Variants in NBPF3 observed in about 807,000 individuals in gnomAD.
The protein encoded by NBPF3 is NBPF member 3.
Under a neutral mutation model 78.1 loss-of-function variants are expected in NBPF3, and 57 were observed. The observed-to-expected ratio is 0.73, with a 90% CI of 0.59 to 0.91. The LOEUF is 0.91. Ranked by LOEUF, NBPF3 falls within the 40% of genes least tolerant of loss-of-function variation. The probability of loss-of-function intolerance (pLI) is 0.00; values close to 1 mark genes in which losing one functional copy is unlikely to be tolerated. For missense variants in NBPF3, 510 were observed against 715.3 expected, an observed-to-expected ratio of 0.71 and a Z score of 3.27; for synonymous variants, 182 against 271.7, an observed-to-expected ratio of 0.67 and a Z score of 3.25.
intron 2 of NBPF3, among the ~76,000 whole-genome samples, chr1:21,451,070 T>G (rs1179993308): frequency 6.6e-6 from 1 of 152,192 alleles, no homozygotes; most frequent in Non-Finnish European, 1.5e-5. Context: ...CTTGAAACCA[T>G]TATTATTTAT....
chr1:21,473,601 C>A lies in NBPF3; in HGVS notation c.940+16C>A, dbSNP rs1241755191. 9 of 1,599,426 alleles carry A rather than the reference C, an allele frequency of 5.6e-6. No individual in the cohort carries two copies. In the Admixed American group the frequency reaches 1.5e-4, roughly 27 times the overall value. On this transcript the variant is annotated intron_variant, in intron 7 of 14. Coordinates refer to ENST00000318249, the MANE Select transcript of NBPF3 (RefSeq NM_032264.6). ...ATTATCCCAGGTAGCCTCTATTTTC[C>A]TGTGTCTCACACCTTTTCCTATGCT...
At chr1:21,446,014 TCTC>T (rs1307215342) in intron 2 of NBPF3, 3 of 152,428 alleles carry the variant, frequency 2.0e-5, no homozygotes, top group African/African-American at 7.2e-5. Flanking sequence ...CCGTTTGTGT[TCTC>T]CTCATGTGGT....
intron 10 of NBPF3, among the ~76,000 whole-genome samples, chr1:21,479,848 G>GTGTGTGTGTGTGTGTGTATA: frequency 8.2e-6 from 1 of 121,896 alleles, no homozygotes; most frequent in African/African-American, 2.7e-5. Flanking sequence ...GTGTGTGTGT[G>GTGTGTGTGTGTGTGTGTATA]TGTGTATGTG....
chr1:21,468,088 T>C (rs7533990), intron 2 of NBPF3: 8,774 of 153,862 alleles, frequency 0.057, 305 homozygotes, highest in African/African-American at 0.097. Flanking sequence ...TATCTTACAC[T>C]TGTGGAAAAG....
intron 2 of NBPF3, chr1:21,451,682 G>A (rs1641319989): frequency 5.7e-6 from 1 of 175,312 alleles, no homozygotes; most frequent in Non-Finnish European, 1.2e-5. Context: ...GGCATAGTGG[G>A]TCCTGGGGTC....
intron 2 of NBPF3, among the ~76,000 whole-genome samples, chr1:21,464,316 A>G (rs1288408700): frequency 6.6e-6 from 1 of 152,244 alleles, no homozygotes; most frequent in Non-Finnish European, 1.5e-5. Flanking sequence ...GCAGGCTAGA[A>G]AGGATGAAAC....
At chr1:21,475,188 C>A (rs1642827290) in intron 8 of NBPF3, among the ~76,000 whole-genome samples, 1 of 151,978 alleles carries the variant, frequency 6.6e-6, no homozygotes, top group South Asian at 2.1e-4. Context: ...ACAGGGATTT[C>A]TTGTTGATCT....
chr1:21,477,989 C>A, intron 8 of NBPF3, 155 bp from the exon 9 acceptor site: 25 of 1,527,178 alleles, frequency 1.6e-5, no homozygotes, highest in Non-Finnish European at 2.2e-5. Flanking sequence ...CTCCAGCCTG[C>A]ATTTAGAAGG....
At chr1:21,461,718 C>T (rs1240816997) in intron 2 of NBPF3, among the ~76,000 whole-genome samples, 2 of 152,160 alleles carry the variant, frequency 1.3e-5, no homozygotes, top group African/African-American at 4.8e-5. Context: ...CCGCCTCAGC[C>T]TTGCAAAGTC....
At chr1:21,441,752 C>A (rs899022493) in intron 1 of NBPF3, among the ~76,000 whole-genome samples, 1 of 150,974 alleles carries the variant, frequency 6.6e-6, no homozygotes, top group Non-Finnish European at 1.5e-5. Flanking sequence ...AAGTGAACCA[C>A]CACAGATCAA....
At chr1:21,437,947 G>T (rs1011488151), upstream of NBPF3, among the ~76,000 whole-genome samples, 1 of 151,756 alleles carries the variant, frequency 6.6e-6, no homozygotes, top group African/African-American at 2.4e-5. Flanking sequence ...CTTAGCCTCC[G>T]AGTAGCTGGG....
intron 11 of NBPF3, 48 bp from the exon 12 acceptor site, chr1:21,480,882 G>A (rs1643182022): frequency 2.5e-6 from 3 of 1,212,120 alleles, no homozygotes; most frequent in East Asian, 3.2e-5. Flanking sequence ...GTTAATGGGT[G>A]TAGGTGAATT....
chr1:21,459,221 A>C (rs1361072104), intron 2 of NBPF3, among the ~76,000 whole-genome samples: 2 of 152,234 alleles, frequency 1.3e-5, no homozygotes, highest in Non-Finnish European at 2.9e-5. Flanking sequence ...TAATTTCAAA[A>C]TATATTTGAA....
intron 7 of NBPF3, 139 bp from the exon 8 acceptor site, chr1:21,474,761 C>A: frequency 1.3e-6 from 1 of 789,118 alleles, no homozygotes; most frequent in Non-Finnish European, 2.1e-6. Context: ...TAATCTAGGG[C>A]ACCCTGGAGT....
At chr1:21,461,029 G>T (rs919789926) in intron 2 of NBPF3, among the ~76,000 whole-genome samples, 3 of 152,016 alleles carry the variant, frequency 2.0e-5, no homozygotes, top group Non-Finnish European at 4.4e-5. Flanking sequence ...ACCAAAACAG[G>T]ATATCACTAC....
chr1:21,479,412 A>G lies in NBPF3; in HGVS notation c.1208+12A>G, dbSNP rs1387190775. 1 of 1,608,288 alleles carries G rather than the reference A, an allele frequency of 6.2e-7. No individual in the cohort carries two copies. Among genetic ancestry groups the G allele is most frequent in the Non-Finnish European group, 8.5e-7 (1 of 1,177,564 alleles). ...GCCACAAGTCCCAGGTGAGTCTGAG[A>G]AATTATGGACAGTTAATTTGATGTT... On this transcript the variant is annotated intron_variant, in intron 10 of 14. Transcript: ENST00000318249.
At chr1:21,468,312 TC>T in intron 2 of NBPF3, 1 of 863,132 alleles carries the variant, frequency 1.2e-6, no homozygotes, top group Non-Finnish European at 1.5e-6. Context: ...AGAGGAATGA[TC>T]CCCATTGGTG....
chr1:21,464,421 A>G (rs1325481801), intron 2 of NBPF3, among the ~76,000 whole-genome samples: 5 of 151,918 alleles, frequency 3.3e-5, no homozygotes, highest in Non-Finnish European at 7.4e-5. Flanking sequence ...ATATATAGAG[A>G]AGGTAGATTA....
chr1:21,468,493 G>A (rs1248457139), intron 2 of NBPF3, 195 bp from the exon 3 acceptor site: 1 of 1,447,842 alleles, frequency 6.9e-7, no homozygotes, highest in African/African-American at 1.4e-5. Context: ...GCTATTGGCA[G>A]TGCCTTCAGC....
Sources: allele counts gnomAD v4.1 joint callset (sites outside exome capture counted in the v4.1 genomes callset), GRCh38; gene constraint gnomAD v4.1.1; transcripts MANE v1.5; gene names NCBI Gene and HGNC (gene_info 2026-07-23, HGNC 2026-07-21).